The following ESPNL variants were observed in gnomAD, a reference collection of about 807,000 sequenced individuals.
ESPNL encodes the protein espin-like protein.
ESPNL carries 49 observed loss-of-function variants against 46.8 expected under a neutral mutation model. That is an observed-to-expected ratio of 1.05 (90% CI 0.83 to 1.33). The LOEUF (loss-of-function observed/expected upper bound fraction) is 1.33. ESPNL is among the 40% of genes most tolerant of loss of function. The probability of loss-of-function intolerance (pLI) is 0.00; values close to 1 mark genes in which losing one functional copy is unlikely to be tolerated. For synonymous variants in ESPNL, 664 were observed against 662.1 expected, an observed-to-expected ratio of 1.00 and a Z score of -0.04; for missense variants, 1,540 against 1,436.6, an observed-to-expected ratio of 1.07 and a Z score of -1.16.
In ESPNL at chr2:238,100,552, C is replaced by T. The variant is rs774263630; in HGVS notation, c.133C>T (p.Arg45Trp). 1.8e-5 allele frequency: 29 copies of T among 1,590,926 alleles called. No homozygotes were observed. Among genetic ancestry groups the T allele is most frequent in the African/African-American group, 1.1e-4 (8 of 74,536 alleles). ...LGAGLVHHAT[R>W]AGHLDCVKFL... ...GGCCGGCCTGGTTCACCACGCCACC[C>T]GGGCTGGCCACCTGGACTGCGTCAA... Residue 45 changes from arginine (R) to tryptophan (W), a missense_variant, in exon 1 of 9, where the codon CGG becomes TGG. Physicochemically the swap from Arg to Trp is moderately radical, Grantham distance 101. Coordinates refer to ENST00000343063, the MANE Select transcript of ESPNL (RefSeq NM_194312.4).
chr2:238,127,078 CTGTG>C (rs1304860224), intron 6 of ESPNL, among the ~76,000 whole-genome samples: 1 of 127,048 alleles, frequency 7.9e-6, no homozygotes, highest in African/African-American at 3.6e-5. Flanking sequence ...ATAATTGTGT[CTGTG>C]TGTATGATTG....
chr2:238,122,683 G>A (rs1167195081), intron 5 of ESPNL, among the ~76,000 whole-genome samples: 1 of 152,250 alleles, frequency 6.6e-6, no homozygotes, highest in Non-Finnish European at 1.5e-5. Flanking sequence ...TCCACTGACA[G>A]CAGGTTCCAT....
In ESPNL at chr2:238,131,654, G is replaced by A. The variant is rs774789748; in HGVS notation, c.2940G>A (p.Glu980=). 1 of 1,606,484 alleles carries A rather than the reference G, an allele frequency of 6.2e-7. No homozygotes were observed. The highest frequency in any genetic ancestry group is 1.1e-5 in the South Asian group (1 of 90,948). Residue 980 remains glutamate, a synonymous_variant, in exon 9 of 9, where the codon GAG becomes GAA. Transcript: ENST00000343063. The part of the protein sequence containing the change: ...SRSQQGSFNG[E]DICGYINRSF... The stretch of plus-strand genomic sequence containing the variant: ...CCCAGCAGGGCAGCTTCAACGGTGA[G>A]GACATCTGCGGCTACATCAACCGCA...
rs1264121618 is a variant in ESPNL, at chr2:238,107,802, C to CG, written c.685dup (p.Asp229GlyfsTer10). ...CCCTCCTTCCCCAGGTCACATTCAC[C>CG]GACATCGGACTCACGGCACGGGACA... is the stretch of plus-strand genomic sequence containing the variant. On this transcript the variant is annotated frameshift_variant, in exon 4 of 9. Coordinates refer to ENST00000343063, the MANE Select transcript of ESPNL (RefSeq NM_194312.4). LOFTEE classifies it high-confidence loss of function. 2 of 1,591,592 alleles carry CG rather than the reference C, an allele frequency of 1.3e-6. No individual in the cohort carries two copies. The highest frequency in any genetic ancestry group is 1.7e-6 in the Non-Finnish European group (2 of 1,169,178).
rs1478855003 is a variant in ESPNL at position 238,100,732 on chromosome 2, G to T, written c.294+19G>T. ...TCTGCAGGTGAGCGGGGATGGGGCA[G>T]CCTGGCTCCACGAAGCTGGCTGGGG... On this transcript the variant is annotated intron_variant, in intron 1 of 8. Transcript: ENST00000343063. The T allele has an allele frequency of 7.1e-7, 1 of 1,406,380 alleles. No homozygotes were observed. The highest frequency in any genetic ancestry group is 1.5e-5 in the African/African-American group (1 of 66,068). The allele number at this position is 1,406,380 out of a possible 1,614,324, so 87.1% of individuals were successfully genotyped here.
At chr2:238,126,676 TTG>T (rs1314007648) in intron 6 of ESPNL, among the ~76,000 whole-genome samples, 2 of 149,654 alleles carry the variant, frequency 1.3e-5, no homozygotes, top group African/African-American at 2.5e-5. Flanking sequence ...GTCTGTGTGA[TTG>T]TGTGTATGTG....
chr2:238,109,885 C>T (rs909159104), intron 4 of ESPNL, among the ~76,000 whole-genome samples: 3 of 150,854 alleles, frequency 2.0e-5, no homozygotes, highest in Admixed American at 1.3e-4. Flanking sequence ...ACCGAGTGTC[C>T]CTTTTCTGTC....
chr2:238,113,929 AC>A (rs1217773463), intron 4 of ESPNL, among the ~76,000 whole-genome samples: 2 of 151,412 alleles, frequency 1.3e-5, no homozygotes, highest in Non-Finnish European at 2.9e-5. Context: ...GACACCCCTC[AC>A]CCCCCAGGCT....
intron 5 of ESPNL, among the ~76,000 whole-genome samples, chr2:238,120,948 G>T (rs918340902): frequency 1.3e-5 from 2 of 152,228 alleles, no homozygotes; most frequent in African/African-American, 4.8e-5. Context: ...GCCCCCAGGG[G>T]ACTCGTGCAT....
At position 238,117,064 on chromosome 2, in the gene ESPNL, A is replaced by T. The variant is rs755500443; in HGVS notation, c.987+30A>T. 4.4e-6 allele frequency: 7 copies of T among 1,589,458 alleles called. 1 individual carries two copies. The East Asian group carries it at 1.6e-4, about 36-fold the overall frequency. ...GGCTCAGGGTCCCCAGCTGCCCTGGAGGCATGGGGGGTGGGCCCAGACCCC... is the reference window on the plus strand; with the variant it reads ...GGCTCAGGGTCCCCAGCTGCCCTGGTGGCATGGGGGGTGGGCCCAGACCCC... On this transcript the variant is annotated intron_variant, in intron 5 of 8. Transcript: ENST00000343063.
chr2:238,127,815 G>A, intron 7 of ESPNL, 81 bp downstream of exon 7: 1 of 1,121,572 alleles, frequency 8.9e-7, no homozygotes, highest in Non-Finnish European at 1.3e-6. Context: ...GCCCAGAGAA[G>A]CCCCCAGCAC....
intron 3 of ESPNL, among the ~76,000 whole-genome samples, chr2:238,107,448 C>A (rs1691620916): frequency 6.6e-6 from 1 of 152,034 alleles, no homozygotes; most frequent in Non-Finnish European, 1.5e-5. Flanking sequence ...CCCGCCCCTC[C>A]CTCCCTTCCT....
intron 6 of ESPNL, among the ~76,000 whole-genome samples, chr2:238,125,730 C>T (rs1431896270): frequency 3.3e-5 from 5 of 152,092 alleles, no homozygotes; most frequent in African/African-American, 7.2e-5. Flanking sequence ...ACAGTCCTCA[C>T]GCTGTGGGCC....
intron 5 of ESPNL, among the ~76,000 whole-genome samples, chr2:238,124,103 G>A (rs752268348): frequency 3.9e-5 from 6 of 152,236 alleles, no homozygotes; most frequent in South Asian, 2.1e-4. Context: ...CCGTGCATTC[G>A]AGCAAGCTGC....
chr2:238,117,184 G>C (rs558623861), intron 5 of ESPNL, 150 bp downstream of exon 5: 2 of 1,152,910 alleles, frequency 1.7e-6, no homozygotes, highest in Non-Finnish European at 2.4e-6. Context: ...GCAAGGGCCT[G>C]GGCAGGACTG....
intron 1 of ESPNL, among the ~76,000 whole-genome samples, chr2:238,101,470 A>G (rs1012087485): frequency 2.3e-4 from 35 of 152,250 alleles, no homozygotes; most frequent in African/African-American, 6.3e-4. Context: ...CCATTCTGAC[A>G]GGGCCCTTGG....
At chr2:238,112,128 G>A (rs1237768139) in intron 4 of ESPNL, among the ~76,000 whole-genome samples, 1 of 151,512 alleles carries the variant, frequency 6.6e-6, no homozygotes, top group Non-Finnish European at 1.5e-5. Context: ...GAAATCCTCT[G>A]GATCTGGCTG....
At chr2:238,104,557 C>A in intron 2 of ESPNL, 99 bp from the exon 3 acceptor site, 1 of 1,307,928 alleles carries the variant, frequency 7.6e-7, no homozygotes, top group Non-Finnish European at 1.0e-6. Context: ...ACTCAGTCAT[C>A]ACGGGCAGGG....
chr2:238,105,285 C>T (rs1691570762), intron 3 of ESPNL, among the ~76,000 whole-genome samples: 2 of 152,108 alleles, frequency 1.3e-5, no homozygotes, highest in African/African-American at 4.8e-5. Flanking sequence ...GGAAGGAAGA[C>T]CTGAGACCCC....
Sources: gnomAD v4.1 joint callset for allele counts (sites outside exome capture counted in the v4.1 genomes callset) on GRCh38, gnomAD v4.1.1 for gene constraint, MANE v1.5 for transcripts, NCBI Gene and HGNC (gene_info 2026-07-23, HGNC 2026-07-21) for gene names.